The following NRXN1 variants were observed in gnomAD, a reference collection of about 807,000 sequenced individuals.
NRXN1 encodes neurexin-1.
In NRXN1, 39 loss-of-function variants were observed where a neutral mutation model predicts 150.9. The observed-to-expected ratio is 0.26, with a 90% confidence interval of 0.20 to 0.34. NRXN1 has a LOEUF of 0.34. NRXN1 is among the 10% of genes least tolerant of loss of function. The pLI is 1.00. For synonymous variants in NRXN1, 924 were observed against 757.0 expected, an observed-to-expected ratio of 1.22 and a Z score of -3.62; for missense variants, 1,815 against 1,949.9, an observed-to-expected ratio of 0.93 and a Z score of 1.30.
At chr2:50,244,761 A>G (rs1458751542) in intron 17 of NRXN1, among the ~76,000 whole-genome samples, 1 of 151,806 alleles carries the variant, frequency 6.6e-6, no homozygotes, top group African/African-American at 2.4e-5. Flanking sequence ...AGAGGATTTG[A>G]ATTTTCTAAC....
At chr2:50,930,792 C>T (rs1017948867) in intron 2 of NRXN1, among the ~76,000 whole-genome samples, 6 of 152,080 alleles carry the variant, frequency 3.9e-5, no homozygotes, top group Admixed American at 2.0e-4. Context: ...CTTCCTGATA[C>T]GGAATTGACA....
chr2:50,434,043 ATTTTTTTTT>A (rs748364051), intron 17 of NRXN1, among the ~76,000 whole-genome samples: 1 of 72,154 alleles, frequency 1.4e-5, no homozygotes, highest in Non-Finnish European at 2.7e-5. Context: ...TATCTAAGCC[ATTTTTTTTT>A]TTTTTTTTTT....
At chr2:50,130,038 C>A (rs1026994899) in intron 18 of NRXN1, among the ~76,000 whole-genome samples, 3 of 152,118 alleles carry the variant, frequency 2.0e-5, no homozygotes, top group African/African-American at 7.2e-5. Flanking sequence ...TCTTCCATAA[C>A]TAATATATAA....
intron 21 of NRXN1, among the ~76,000 whole-genome samples, chr2:49,944,724 G>C (rs931689729): frequency 6.6e-6 from 1 of 151,758 alleles, no homozygotes; most frequent in African/African-American, 2.4e-5. Context: ...AGGTAAAACA[G>C]AGAATCCAAT....
chr2:50,568,076 G>C (rs1670136614), intron 8 of NRXN1, among the ~76,000 whole-genome samples: 1 of 152,098 alleles, frequency 6.6e-6, no homozygotes, highest in South Asian at 2.1e-4. Context: ...CAGATACAGA[G>C]TGCTTGTTCC....
At chr2:50,879,440 A>G (rs1280081316) in intron 5 of NRXN1, among the ~76,000 whole-genome samples, 3 of 151,988 alleles carry the variant, frequency 2.0e-5, no homozygotes, top group African/African-American at 7.2e-5. Flanking sequence ...GTATCATTTC[A>G]GGAGTTATGA....
intron 21 of NRXN1, among the ~76,000 whole-genome samples, chr2:50,038,085 G>A (rs1056458726): frequency 3.9e-5 from 6 of 152,156 alleles, no homozygotes; most frequent in African/African-American, 1.4e-4. Flanking sequence ...AATATGATAT[G>A]TAGAGATACC....
At chr2:50,205,648 T>C (rs1413990887) in intron 18 of NRXN1, among the ~76,000 whole-genome samples, 3 of 152,074 alleles carry the variant, frequency 2.0e-5, no homozygotes, top group Non-Finnish European at 2.9e-5. Flanking sequence ...CAAAATCTTG[T>C]ACATGATTGC....
At chr2:50,251,752 T>G (rs1057417345) in intron 17 of NRXN1, among the ~76,000 whole-genome samples, 11 of 152,190 alleles carry the variant, frequency 7.2e-5, no homozygotes, top group Non-Finnish European at 7.3e-5. Context: ...TATACGATTG[T>G]GGTTTTGGTT....
At chr2:50,824,250 C>CAA (rs1480970419) in intron 5 of NRXN1, among the ~76,000 whole-genome samples, 3 of 151,738 alleles carry the variant, frequency 2.0e-5, no homozygotes, top group African/African-American at 7.3e-5. Context: ...CCTGAATAAA[C>CAA]AGAGAAAAAT....
At chr2:50,045,371 G>T (rs917468521) in intron 21 of NRXN1, among the ~76,000 whole-genome samples, 2 of 152,042 alleles carry the variant, frequency 1.3e-5, no homozygotes, top group Non-Finnish European at 2.9e-5. Flanking sequence ...GAGACAGAGT[G>T]TCACTCTGTT....
intron 5 of NRXN1, among the ~76,000 whole-genome samples, chr2:50,688,617 A>G (rs1159579712): frequency 1.3e-5 from 2 of 152,224 alleles, no homozygotes; most frequent in African/African-American, 4.8e-5. Flanking sequence ...TGTTCTAACA[A>G]AGATGAAAGC....
intron 21 of NRXN1, among the ~76,000 whole-genome samples, chr2:49,987,206 C>G (rs974477679): frequency 1.2e-4 from 18 of 152,032 alleles, no homozygotes; most frequent in African/African-American, 4.1e-4. Flanking sequence ...GCCTACAATT[C>G]TGCTCTCTAT....
intron 5 of NRXN1, among the ~76,000 whole-genome samples, chr2:50,794,255 C>T (rs900789470): frequency 2.6e-5 from 4 of 152,054 alleles, no homozygotes; most frequent in Non-Finnish European, 4.4e-5. Flanking sequence ...CATCATTTGT[C>T]GGCATCAAAT....
chr2:50,378,438 A>C (rs2080691874), intron 17 of NRXN1, among the ~76,000 whole-genome samples: 1 of 152,136 alleles, frequency 6.6e-6, no homozygotes, highest in Non-Finnish European at 1.5e-5. Flanking sequence ...ATATGAGCTT[A>C]CAGTTGGGCA....
At chr2:50,308,325 AT>A (rs1317507950) in intron 17 of NRXN1, among the ~76,000 whole-genome samples, 2 of 151,584 alleles carry the variant, frequency 1.3e-5, no homozygotes, top group East Asian at 3.9e-4. Context: ...TTTTTAAATT[AT>A]TTTTTATTTT....
In NRXN1 at chr2:49,967,294, A is replaced by G. The variant is rs144740734; in HGVS notation, c.4129-23503T>C. 4.0e-3 allele frequency among the ~76,000 whole-genome samples: 603 copies of G among 152,216 alleles called. 4 individuals are homozygous for G. Among genetic ancestry groups the G allele is most frequent in the African/African-American group, 0.013 (546 of 41,566 alleles). On this transcript the variant is annotated intron_variant, in intron 21 of 22. Coordinates refer to ENST00000401669, the MANE Select transcript of NRXN1 (RefSeq NM_001330078.2). ...GTTTATGACATTTCTAGAATCTCAA[A>G]TTATTCTGAATTAAAATATTTATTT...
At chr2:50,140,951 A>T (rs1214730746) in intron 18 of NRXN1, among the ~76,000 whole-genome samples, 1 of 152,080 alleles carries the variant, frequency 6.6e-6, no homozygotes, top group East Asian at 1.9e-4. Flanking sequence ...ATTCATATGT[A>T]TATACGTATA....
chr2:50,697,694 T>G (rs1693128545), intron 5 of NRXN1, among the ~76,000 whole-genome samples: 1 of 152,196 alleles, frequency 6.6e-6, no homozygotes, highest in East Asian at 1.9e-4. Context: ...ATTCTTTTCT[T>G]CAAATCCTCA....
Sources: gnomAD v4.1 joint callset for allele counts (sites outside exome capture counted in the v4.1 genomes callset) on GRCh38, gnomAD v4.1.1 for gene constraint, MANE v1.5 for transcripts, NCBI Gene and HGNC (gene_info 2026-07-23, HGNC 2026-07-21) for gene names.